The following RAB33A variants were observed in gnomAD, a reference collection of about 807,000 sequenced individuals.
RAB33A encodes RAB33A, member RAS oncogene family.
RAB33A carries 6 observed loss-of-function variants against 12.0 expected under a neutral mutation model. The ratio of observed to expected loss-of-function variants is 0.50; its 90% confidence interval spans 0.27 to 0.99. RAB33A has a LOEUF of 0.99. Among genes scored for constraint, RAB33A ranks in the 50% least tolerant of loss-of-function variants. The pLI, the probability that RAB33A is intolerant of heterozygous loss-of-function variation, is 0.11. For synonymous variants in RAB33A, 70 were observed against 82.4 expected (o/e 0.85, Z 0.81); for missense variants, 109 against 192.0 (o/e 0.57, Z 2.55).
At chrX:130,130,028 T>C in the RAB33A span, 3 of 1,211,607 alleles carry the variant, frequency 2.5e-6, no homozygotes, top group Non-Finnish European at 2.2e-6. Flanking sequence ...CACGACCACT[T>C]TGTCCCTGAG....
the RAB33A span, among the ~76,000 whole-genome samples, chrX:130,115,026 A>G: frequency 9.4e-6 from 1 of 106,191 alleles, no homozygotes; most frequent in Non-Finnish European, 1.9e-5. Flanking sequence ...CTGGTCTTGA[A>G]CTCCTGGGCT....
At chrX:130,132,897 C>G in the RAB33A span, among the ~76,000 whole-genome samples, 2 of 110,611 alleles carry the variant, frequency 1.8e-5, no homozygotes, top group Non-Finnish European at 3.8e-5. Context: ...CAGGCATGCA[C>G]CACCACGTCC....
the RAB33A span, chrX:130,133,537 CAAAG>C: frequency 1.8e-6 from 2 of 1,100,755 alleles, no homozygotes; most frequent in Admixed American, 4.5e-5. Flanking sequence ...TTTGGGGGCT[CAAAG>C]AACACTTGTA....
chrX:130,130,303 C>G, the RAB33A span: 1 of 707,835 alleles, frequency 1.4e-6, no homozygotes, highest in Admixed American at 2.7e-5. Context: ...TTTCTCTATG[C>G]CCCCTCAGTA....
the RAB33A span, among the ~76,000 whole-genome samples, chrX:130,163,282 G>C: frequency 2.0e-5 from 2 of 97,892 alleles, no homozygotes; most frequent in African/African-American, 3.8e-5. Flanking sequence ...TGCACTCTGG[G>C]AAACTGAGCG....
the RAB33A span, among the ~76,000 whole-genome samples, chrX:130,114,092 C>T: frequency 6.5e-4 from 73 of 112,140 alleles, no homozygotes; most frequent in South Asian, 5.9e-3. Flanking sequence ...GGATCCCTCC[C>T]GTAAGTGAAT....
the RAB33A span, among the ~76,000 whole-genome samples, chrX:130,151,498 A>G: frequency 8.9e-6 from 1 of 111,761 alleles, no homozygotes; most frequent in Non-Finnish European, 1.9e-5. Flanking sequence ...CCATCAGGCA[A>G]TGTGCTGCAA....
At chrX:130,121,115 C>A in the RAB33A span, among the ~76,000 whole-genome samples, 1 of 112,654 alleles carries the variant, frequency 8.9e-6, no homozygotes, top group Non-Finnish European at 1.9e-5. Flanking sequence ...GGCCTCCTGC[C>A]CTGGGCGCCT....
At chrX:130,138,888 T>C in the RAB33A span, among the ~76,000 whole-genome samples, 5 of 112,027 alleles carry the variant, frequency 4.5e-5, no homozygotes, top group African/African-American at 1.3e-4. Flanking sequence ...CTATAAACAG[T>C]GGTTCTCAAT....
the RAB33A span, among the ~76,000 whole-genome samples, chrX:130,143,850 A>T: frequency 2.7e-5 from 3 of 110,890 alleles, no homozygotes; most frequent in African/African-American, 9.9e-5. Flanking sequence ...CTGTCTCAAA[A>T]AAAAAAAGTA....
At chrX:130,138,136 C>A in the RAB33A span, 1 of 123,728 alleles carries the variant, frequency 8.1e-6, no homozygotes, top group Non-Finnish European at 1.6e-5. Flanking sequence ...GGATCCCTCA[C>A]CAGAACTAAT....
chrX:130,142,206 G>A, the RAB33A span, among the ~76,000 whole-genome samples: 1 of 111,876 alleles, frequency 8.9e-6, no homozygotes. Context: ...AACAGTGCAG[G>A]TAGCGCTGGG....
At position 130,184,524 on chromosome X, in the gene RAB33A, C is replaced by T; in HGVS notation, c.498C>T (p.Ala166=). 1 of 1,211,862 alleles carries T rather than the reference C, an allele frequency of 8.3e-7. No homozygotes were observed. Among genetic ancestry groups the T allele is most frequent in the Non-Finnish European group, 1.1e-6 (1 of 895,500 alleles). The stretch of plus-strand genomic sequence containing the variant: ...AGATCCAGGTGCCCTCCAACTTAGC[C>T]CTGAAATTTGCTGATGCCCACAACA... ...REQIQVPSNL[A]LKFADAHNML... Residue 166 remains alanine, a synonymous_variant, in exon 2 of 2, where the codon GCC becomes GCT. Coordinates refer to ENST00000257017, the MANE Select transcript of RAB33A (RefSeq NM_004794.3).
chrX:130,164,847 T>C, the RAB33A span, among the ~76,000 whole-genome samples: 2 of 111,842 alleles, frequency 1.8e-5, no homozygotes, highest in African/African-American at 6.5e-5. Context: ...TGCCTCAGTT[T>C]ATTATCTATA....
the RAB33A span, among the ~76,000 whole-genome samples, chrX:130,161,543 G>C: frequency 9.6e-6 from 1 of 103,766 alleles, no homozygotes; most frequent in Admixed American, 1.0e-4. Flanking sequence ...CACAGGACAA[G>C]CCTAGATAGT....
intron 1 of RAB33A, among the ~76,000 whole-genome samples, chrX:130,181,849 A>C (rs928032011): frequency 1.7e-4 from 19 of 110,219 alleles, no homozygotes; most frequent in Middle Eastern, 4.7e-3. Flanking sequence ...CAGAAGGCTG[A>C]AGTGGTAGAA....
the RAB33A span, chrX:130,149,586 G>C: frequency 1.8e-6 from 2 of 1,109,937 alleles, no homozygotes; most frequent in East Asian, 6.0e-5. Context: ...TCCAAACATG[G>C]AGAAAGTTTA....
the RAB33A span, among the ~76,000 whole-genome samples, chrX:130,131,108 CAT>C: frequency 9.0e-6 from 1 of 111,521 alleles, no homozygotes. Flanking sequence ...ATGAAAGAGA[CAT>C]GTGTGGGAGA....
At chrX:130,157,737 T>C in the RAB33A span, among the ~76,000 whole-genome samples, 52,617 of 103,412 alleles carry the variant, frequency 0.51, 10,232 homozygotes, top group African/African-American at 0.71. Flanking sequence ...GAGGCCTAGG[T>C]GGGCAGATCA....
Sources: gnomAD v4.1 joint callset for allele counts (sites outside exome capture counted in the v4.1 genomes callset) on GRCh38, gnomAD v4.1.1 for gene constraint, MANE v1.5 for transcripts, NCBI Gene and HGNC (gene_info 2026-07-23, HGNC 2026-07-21) for gene names.